Variants in EPHX2 observed in about 807,000 individuals in gnomAD.
EPHX2 encodes bifunctional epoxide hydrolase 2.
EPHX2 carries 74 observed loss-of-function variants against 78.7 expected under a neutral mutation model. That is an observed-to-expected ratio of 0.94 (90% confidence interval 0.78 to 1.14). The LOEUF is 1.14. Among genes scored for constraint, EPHX2 ranks in the 50% most tolerant of loss-of-function variants. The probability of loss-of-function intolerance (pLI) is 0.00; values close to 1 mark genes in which losing one functional copy is unlikely to be tolerated. For synonymous variants in EPHX2, 251 were observed against 255.2 expected, an observed-to-expected ratio of 0.98 and a Z score of 0.16; for missense variants, 715 against 702.5, an observed-to-expected ratio of 1.02 and a Z score of -0.20.
chr8:27,519,298 G>T (rs72475862), intron 9 of EPHX2, among the ~76,000 whole-genome samples: 2 of 152,210 alleles, frequency 1.3e-5, no homozygotes, highest in African/African-American at 2.4e-5. Context: ...GAGGAATGAC[G>T]TGCTGGTGCA....
intron 11 of EPHX2, among the ~76,000 whole-genome samples, chr8:27,523,854 A>G (rs752319055): frequency 3.9e-5 from 6 of 152,254 alleles, no homozygotes; most frequent in East Asian, 1.9e-4. Flanking sequence ...CAGACTGCAC[A>G]ACGTACTGGT....
At chr8:27,500,274 C>G (rs1813715532) in intron 1 of EPHX2, among the ~76,000 whole-genome samples, 1 of 152,122 alleles carries the variant, frequency 6.6e-6, no homozygotes, top group South Asian at 2.1e-4. Flanking sequence ...CCTCCTGCTC[C>G]AACCATGTAA....
At chr8:27,537,813 C>T (rs1815261244) in intron 13 of EPHX2, among the ~76,000 whole-genome samples, 1 of 152,052 alleles carries the variant, frequency 6.6e-6, no homozygotes, top group South Asian at 2.1e-4. Flanking sequence ...TTTGGGGAGT[C>T]GTATTTACTG....
intron 12 of EPHX2, among the ~76,000 whole-genome samples, chr8:27,533,765 A>T (rs996870117): frequency 3.3e-5 from 5 of 151,896 alleles, no homozygotes; most frequent in African/African-American, 1.2e-4. Flanking sequence ...TTTTTAAAAT[A>T]TTTTTTGTAG....
chr8:27,492,474 T>A (rs1813414105), intron 1 of EPHX2, among the ~76,000 whole-genome samples: 1 of 152,192 alleles, frequency 6.6e-6, no homozygotes, highest in African/African-American at 2.4e-5. Flanking sequence ...TTGGTTCCTG[T>A]CGGTGGGTTC....
At chr8:27,491,358 C>A in intron 1 of EPHX2, 49 bp downstream of exon 1, 1 of 1,337,550 alleles carries the variant, frequency 7.5e-7, no homozygotes, top group Non-Finnish European at 9.8e-7. Context: ...CCTCAGGAGG[C>A]AGACCGCGCT....
chr8:27,526,267 A>G (rs931008535), intron 12 of EPHX2, among the ~76,000 whole-genome samples: 1 of 152,346 alleles, frequency 6.6e-6, no homozygotes, highest in Non-Finnish European at 1.5e-5. Flanking sequence ...CTGTTCTCCA[A>G]CAATTATTTT....
intron 12 of EPHX2, among the ~76,000 whole-genome samples, chr8:27,535,365 G>A (rs1171103002): frequency 6.6e-6 from 1 of 151,962 alleles, no homozygotes; most frequent in African/African-American, 2.4e-5. Flanking sequence ...GGTAGAGACG[G>A]GGTTTTACCA....
chr8:27,505,200 G>C (rs867759646), intron 4 of EPHX2, 54 bp downstream of exon 4: 1 of 1,582,548 alleles, frequency 6.3e-7, no homozygotes, highest in Middle Eastern at 1.7e-4. Flanking sequence ...ATTGCAACCA[G>C]GGAAAAACTG....
At chr8:27,540,065 G>C (rs924987067) in intron 14 of EPHX2, among the ~76,000 whole-genome samples, 9 of 152,190 alleles carry the variant, frequency 5.9e-5, no homozygotes, top group Non-Finnish European at 1.2e-4. Context: ...GGTCTGTGCG[G>C]CACGTGGGAG....
At chr8:27,508,836 C>T (rs1315653260) in intron 5 of EPHX2, among the ~76,000 whole-genome samples, 1 of 151,886 alleles carries the variant, frequency 6.6e-6, no homozygotes, top group Non-Finnish European at 1.5e-5. Context: ...GCAGTCATCA[C>T]CACCACTCAC....
At chr8:27,522,964 A>G (rs1814702641) in intron 11 of EPHX2, among the ~76,000 whole-genome samples, 1 of 76,636 alleles carries the variant, frequency 1.3e-5, no homozygotes, top group Non-Finnish European at 2.4e-5. Context: ...TCCGTTTCCA[A>G]AAAAAAAAAA....
intron 5 of EPHX2, among the ~76,000 whole-genome samples, chr8:27,508,761 T>C (rs1241099711): frequency 6.6e-6 from 1 of 152,026 alleles, no homozygotes; most frequent in Non-Finnish European, 1.5e-5. Flanking sequence ...TTTGTGTGTG[T>C]GTGTGCGCGC....
chr8:27,501,155 A>G (rs1339402590), intron 2 of EPHX2, 145 bp downstream of exon 2: 3 of 626,078 alleles, frequency 4.8e-6, no homozygotes, highest in Non-Finnish European at 8.1e-6. Flanking sequence ...TAATGGGAGT[A>G]TTGCAGTCAC....
At chr8:27,539,880 G>A (rs1405131094) in intron 14 of EPHX2, among the ~76,000 whole-genome samples, 4 of 152,186 alleles carry the variant, frequency 2.6e-5, no homozygotes, top group Non-Finnish European at 5.9e-5. Flanking sequence ...TGTGCCTCCG[G>A]GTCTTCGTGA....
At chr8:27,525,242 T>G in intron 11 of EPHX2, 120 bp from the exon 12 acceptor site, 1 of 815,982 alleles carries the variant, frequency 1.2e-6, no homozygotes, top group African/African-American at 1.7e-5. Context: ...TGCTAGTGTA[T>G]GACCTTGTGC....
In EPHX2 at chr8:27,543,749, A is replaced by G. The variant is rs776297278; in HGVS notation, c.1450A>G (p.Ile484Val). Reference sequence around the variant, plus strand: ...CTTCTGTTTCCTGTTCTCCCCCCAGATCCTGATTCCGGCCCTGATGGTCAC... The same window carrying G: ...CTTCTGTTTCCTGTTCTCCCCCCAGGTCCTGATTCCGGCCCTGATGGTCAC... Reference protein sequence around the residue: ...KWACKSLGRKILIPALMVTAE... With the variant: ...KWACKSLGRKVLIPALMVTAE... Residue 484 changes from isoleucine (I) to valine (V), a missense_variant and splice_region_variant, in exon 17 of 19, where the codon ATC becomes GTC. Physicochemically the swap from Ile to Val is conservative, Grantham distance 29. Transcript: ENST00000521400. The G allele has an allele frequency of 6.2e-7, 1 of 1,613,790 alleles. No homozygotes were observed. The highest frequency in any genetic ancestry group is 2.2e-5 in the East Asian group (1 of 44,824).
chr8:27,537,846 G>A (rs1815262472), intron 13 of EPHX2, among the ~76,000 whole-genome samples: 1 of 151,890 alleles, frequency 6.6e-6, no homozygotes, highest in African/African-American at 2.4e-5. Context: ...TTTGCCTCTT[G>A]CTGTGGGGCC....
rs1040846410 is a variant in EPHX2 at position 27,491,205 on chromosome 8, C to T, written c.-4C>T. ...TCCGGGTGCTAGGCTGCAGACCCGC[C>T]GCCATGACGCTGCGCGCGGCCGTCT... On this transcript the variant is annotated 5_prime_UTR_variant, in exon 1 of 19. Transcript: ENST00000521400. 2.5e-6 allele frequency: 4 copies of T among 1,577,964 alleles called. No homozygotes were observed. The highest frequency in any genetic ancestry group is 1.7e-6 in the Non-Finnish European group (2 of 1,170,782).
Sources: gnomAD v4.1 joint callset for allele counts (sites outside exome capture counted in the v4.1 genomes callset) on GRCh38, gnomAD v4.1.1 for gene constraint, MANE v1.5 for transcripts, NCBI Gene and HGNC (gene_info 2026-07-23, HGNC 2026-07-21) for gene names.